Variants in PCDH11Y observed in about 807,000 individuals in gnomAD.
The protein encoded by PCDH11Y is protocadherin 11 Y-linked.
For synonymous variants in PCDH11Y, 9 were observed against 83.6 expected (o/e 0.11, Z 4.87); for missense variants, 12 against 224.8 (o/e 0.05, Z 6.05).
At chrY:5,559,206 A>G in intron 3 of PCDH11Y, among the ~76,000 whole-genome samples, 1 of 32,960 alleles carries the variant, frequency 3.0e-5, no homozygotes, top group African/African-American at 1.2e-4. Context: ...TCATGTCTCA[A>G]TATGTCACCA....
At chrY:5,291,967 GT>G (rs2053068226) in intron 2 of PCDH11Y, among the ~76,000 whole-genome samples, 3 of 32,563 alleles carry the variant, frequency 9.2e-5, no homozygotes, top group African/African-American at 3.6e-4. Context: ...AGGAAGAGGT[GT>G]TTAATTTTAT....
At chrY:5,583,068 C>T (rs2053452170) in intron 4 of PCDH11Y, among the ~76,000 whole-genome samples, 2 of 32,780 alleles carry the variant, frequency 6.1e-5, no homozygotes, top group Non-Finnish European at 1.5e-4. Context: ...CAAGAGGTAG[C>T]GGTCTAGTTT....
At chrY:5,500,134 G>A in intron 2 of PCDH11Y, among the ~76,000 whole-genome samples, 2 of 31,501 alleles carry the variant, frequency 6.3e-5, no homozygotes, top group Admixed American at 3.1e-4. Flanking sequence ...CAATGCAGCT[G>A]TAATTTTCCA....
intron 2 of PCDH11Y, among the ~76,000 whole-genome samples, chrY:5,174,139 GATATATATATATAT>G: frequency 1.0e-4 from 1 of 9,857 alleles, no homozygotes; most frequent in East Asian, 3.0e-3. Flanking sequence ...ATACAAATGT[GATATATATATATAT>G]ATATATATAT....
intron 4 of PCDH11Y, among the ~76,000 whole-genome samples, chrY:5,626,093 G>T: frequency 3.3e-5 from 1 of 30,586 alleles, no homozygotes; most frequent in African/African-American, 1.3e-4. Flanking sequence ...ACTCCTTATT[G>T]GGCTTTTCAT....
chrY:5,116,606 A>C, intron 2 of PCDH11Y, among the ~76,000 whole-genome samples: 1 of 33,352 alleles, frequency 3.0e-5, no homozygotes, highest in East Asian at 8.0e-4. Flanking sequence ...CCATCAGGGC[A>C]TCGGAAAGAT....
intron 2 of PCDH11Y, among the ~76,000 whole-genome samples, chrY:5,247,654 A>C (rs1602893076): frequency 3.0e-5 from 1 of 32,826 alleles, no homozygotes; most frequent in Middle Eastern, 0.014. Flanking sequence ...ACACCCTAAC[A>C]TTACAATAAA....
chrY:5,223,437 T>A, intron 2 of PCDH11Y, among the ~76,000 whole-genome samples: 1 of 32,614 alleles, frequency 3.1e-5, no homozygotes, highest in Non-Finnish European at 7.5e-5. Context: ...ATTGATAGTA[T>A]GTTTGCATGT....
chrY:5,201,957 G>T (rs2052927239), intron 2 of PCDH11Y, among the ~76,000 whole-genome samples: 1 of 33,501 alleles, frequency 3.0e-5, no homozygotes, highest in African/African-American at 1.2e-4. Flanking sequence ...ATATGTTAAA[G>T]AAAGAAATAC....
intron 3 of PCDH11Y, among the ~76,000 whole-genome samples, chrY:5,516,793 C>T: frequency 3.0e-5 from 1 of 33,329 alleles, no homozygotes; most frequent in Admixed American, 2.8e-4. Context: ...AGAAAGATTG[C>T]TTTTCAACAT....
At chrY:5,214,491 C>T (rs2124651523) in intron 2 of PCDH11Y, among the ~76,000 whole-genome samples, 4 of 33,015 alleles carry the variant, frequency 1.2e-4, no homozygotes, top group African/African-American at 4.7e-4. Flanking sequence ...TTGTTATAAT[C>T]CTACACGAAC....
chrY:5,686,767 G>T (rs2053563441), intron 4 of PCDH11Y, among the ~76,000 whole-genome samples: 1 of 33,293 alleles, frequency 3.0e-5, no homozygotes, highest in African/African-American at 1.2e-4. Context: ...AAAACAATTT[G>T]ACTTTCTCTC....
intron 3 of PCDH11Y, among the ~76,000 whole-genome samples, chrY:5,579,593 A>G (rs2053449054): frequency 9.1e-5 from 3 of 32,890 alleles, no homozygotes; most frequent in African/African-American, 3.5e-4. Context: ...TTCATCTTCC[A>G]TATTAGACAA....
chrY:5,274,766 C>T, intron 2 of PCDH11Y, among the ~76,000 whole-genome samples: 1 of 33,818 alleles, frequency 3.0e-5, no homozygotes, highest in Non-Finnish European at 7.3e-5. Flanking sequence ...TTTCTGCTTT[C>T]GGTTAGCGGT....
intron 2 of PCDH11Y, among the ~76,000 whole-genome samples, chrY:5,389,536 T>A (rs2053219513): frequency 1.0e-4 from 3 of 29,747 alleles, no homozygotes; most frequent in South Asian, 8.0e-4. Flanking sequence ...ATATATATTA[T>A]CATGATATGG....
At chrY:5,337,594 ATT>A (rs2053139673) in intron 2 of PCDH11Y, among the ~76,000 whole-genome samples, 1 of 23,130 alleles carries the variant, frequency 4.3e-5, no homozygotes. Context: ...CTTTTTATCT[ATT>A]TTTTTTTTTT....
At chrY:5,398,008 C>T in intron 2 of PCDH11Y, among the ~76,000 whole-genome samples, 1 of 33,507 alleles carries the variant, frequency 3.0e-5, no homozygotes, top group Admixed American at 2.7e-4. Flanking sequence ...TAAAGAAGAA[C>T]ATTTATATGG....
At chrY:5,372,049 G>A in intron 2 of PCDH11Y, among the ~76,000 whole-genome samples, 1 of 33,247 alleles carries the variant, frequency 3.0e-5, no homozygotes, top group Non-Finnish European at 7.4e-5. Flanking sequence ...TCAGAAAGAG[G>A]GAATTGAAAT....
intron 3 of PCDH11Y, among the ~76,000 whole-genome samples, chrY:5,523,431 T>G: frequency 3.0e-5 from 1 of 33,109 alleles, no homozygotes; most frequent in Non-Finnish European, 7.5e-5. Context: ...TATAATTTAT[T>G]TTTAAAGAAA....
Sources: allele counts gnomAD v4.1 joint callset (sites outside exome capture counted in the v4.1 genomes callset), GRCh38; gene constraint gnomAD v4.1.1; transcripts MANE v1.5; gene names NCBI Gene and HGNC (gene_info 2026-07-23, HGNC 2026-07-21).